Variants in MROH9 observed in about 807,000 individuals in gnomAD.
The protein encoded by MROH9 is maestro heat-like repeat-containing protein family member 9.
MROH9 carries 92 observed loss-of-function variants against 98.2 expected under a neutral mutation model. That is an observed-to-expected ratio of 0.94 (90% CI 0.79 to 1.11). The LOEUF (loss-of-function observed/expected upper bound fraction) is 1.11, where lower values mean the gene tolerates loss of function less well. Among genes scored for constraint, MROH9 ranks in the 50% most tolerant of loss-of-function variants. MROH9 has a pLI of 0.00. For synonymous variants in MROH9, 397 were observed against 368.9 expected, an observed-to-expected ratio of 1.08 and a Z score of -0.87; for missense variants, 1,057 against 1,014.8, an observed-to-expected ratio of 1.04 and a Z score of -0.57.
intron 8 of MROH9, among the ~76,000 whole-genome samples, chr1:170,978,464 G>A (rs886991936): frequency 1.3e-5 from 2 of 152,144 alleles, no homozygotes; most frequent in Non-Finnish European, 2.9e-5. Context: ...TTGTAAGCCA[G>A]GGGCCCTGGC....
chr1:170,955,105 C>CT (rs762400394), intron 3 of MROH9, among the ~76,000 whole-genome samples: 29 of 152,198 alleles, frequency 1.9e-4, no homozygotes, highest in Non-Finnish European at 3.5e-4. Context: ...GAATAGTAGT[C>CT]TCCAGTCTCA....
chr1:170,947,200 G>A (rs1292431782), intron 2 of MROH9, among the ~76,000 whole-genome samples: 4 of 151,840 alleles, frequency 2.6e-5, no homozygotes, highest in Admixed American at 6.6e-5. Flanking sequence ...AAAAATTATT[G>A]TGTAGAATTT....
intron 7 of MROH9, among the ~76,000 whole-genome samples, chr1:170,966,884 T>C (rs980124139): frequency 2.6e-5 from 4 of 152,128 alleles, no homozygotes; most frequent in African/African-American, 7.2e-5. Flanking sequence ...TCAAAACTGT[T>C]TTCTGCACAG....
chr1:170,959,428 C>T (rs778788038), intron 4 of MROH9, 34 bp from the exon 5 acceptor site: 4 of 1,542,768 alleles, frequency 2.6e-6, no homozygotes, highest in Non-Finnish European at 3.5e-6. Context: ...TATTTGTTTT[C>T]TCATCATTAA....
intron 20 of MROH9, among the ~76,000 whole-genome samples, chr1:171,039,126 T>C (rs1338442417): frequency 6.6e-6 from 1 of 152,188 alleles, no homozygotes; most frequent in Non-Finnish European, 1.5e-5. Context: ...GGCATTTTGG[T>C]TAATTTGACA....
intron 20 of MROH9, among the ~76,000 whole-genome samples, chr1:171,061,726 T>G (rs1033083336): frequency 6.6e-5 from 10 of 152,258 alleles, no homozygotes; most frequent in African/African-American, 2.4e-4. Context: ...GAACAAACTA[T>G]TGCTACATGA....
Position 170,965,229 on chromosome 1 carries a change from T to C in MROH9, c.454T>C (p.Phe152Leu), listed in dbSNP as rs771052320. ...IMVIINKVLR[F>L]TVTKVRKYIS... is the part of the protein sequence containing the mutation. ...GGTGATCATCAACAAGGTGTTAAGA[T>C]TTACAGTCACAAAAGTCAGAAAATA... Residue 152 changes from phenylalanine to leucine, a missense_variant, in exon 7 of 22, where the codon TTT becomes CTT. Physicochemically the swap from Phe to Leu is conservative, Grantham distance 22. Coordinates refer to ENST00000367759, the MANE Select transcript of MROH9 (RefSeq NM_001163629.2). 97 of 1,611,104 alleles carry C rather than the reference T, an allele frequency of 6.0e-5. No individual in the cohort carries two copies. Among genetic ancestry groups the C allele is most frequent in the Non-Finnish European group, 8.2e-5 (96 of 1,177,824 alleles).
intron 6 of MROH9, among the ~76,000 whole-genome samples, chr1:170,964,662 G>A (rs1037362119): frequency 6.6e-6 from 1 of 152,008 alleles, no homozygotes; most frequent in Non-Finnish European, 1.5e-5. Flanking sequence ...CCTGCCTCCG[G>A]TAATGTACTC....
chr1:171,038,103 A>G (rs188605361), intron 20 of MROH9, among the ~76,000 whole-genome samples: 27 of 152,232 alleles, frequency 1.8e-4, no homozygotes, highest in African/African-American at 6.5e-4. Context: ...CGGTATTGCA[A>G]AGCAAAACTA....
intron 20 of MROH9, among the ~76,000 whole-genome samples, chr1:171,049,878 T>C (rs1653609305): frequency 6.6e-6 from 1 of 152,056 alleles, no homozygotes; most frequent in Admixed American, 6.5e-5. Flanking sequence ...AATGTGGCTT[T>C]GCCATGTTGC....
At chr1:170,981,458 C>T (rs1213791956) in intron 8 of MROH9, among the ~76,000 whole-genome samples, 1 of 152,106 alleles carries the variant, frequency 6.6e-6, no homozygotes, top group Non-Finnish European at 1.5e-5. Context: ...ATGGCCTTTG[C>T]AGGGACATGG....
intron 2 of MROH9, among the ~76,000 whole-genome samples, chr1:170,945,945 T>G (rs1649315319): frequency 6.6e-6 from 1 of 152,058 alleles, no homozygotes; most frequent in Non-Finnish European, 1.5e-5. Flanking sequence ...TACAAAGTAT[T>G]GATAATACTA....
intron 15 of MROH9, among the ~76,000 whole-genome samples, chr1:171,008,372 A>T (rs1481445073): frequency 3.3e-5 from 5 of 152,294 alleles, no homozygotes. Context: ...AAGAATTTTT[A>T]TATCTTGTTC....
intron 20 of MROH9, among the ~76,000 whole-genome samples, chr1:171,030,426 G>A (rs147710660): frequency 0.02 from 3,116 of 152,046 alleles, 114 homozygotes; most frequent in African/African-American, 0.072. Flanking sequence ...TGGGCATTTA[G>A]TGCTATAAAT....
chr1:171,011,862 A>G (rs1372375373), intron 15 of MROH9, among the ~76,000 whole-genome samples: 1 of 151,932 alleles, frequency 6.6e-6, no homozygotes, highest in South Asian at 2.1e-4. Flanking sequence ...GCAAAAGGCA[A>G]TAGGCTTATT....
At chr1:170,974,304 A>T (rs1650598538) in intron 8 of MROH9, among the ~76,000 whole-genome samples, 1 of 152,158 alleles carries the variant, frequency 6.6e-6, no homozygotes, top group South Asian at 2.1e-4. Context: ...ATAAACTCAC[A>T]CACTGAAAAG....
chr1:170,998,464 C>T (rs1259588101), intron 15 of MROH9, 190 bp downstream of exon 15: 10 of 1,531,818 alleles, frequency 6.5e-6, no homozygotes, highest in African/African-American at 2.8e-5. Context: ...AGAGTTGTCC[C>T]TTCAGCTTTC....
At chr1:171,022,137 A>G (rs1332531757) in intron 17 of MROH9, among the ~76,000 whole-genome samples, 3 of 152,228 alleles carry the variant, frequency 2.0e-5, no homozygotes, top group Admixed American at 2.0e-4. Flanking sequence ...GAATGCTTTT[A>G]CACTGTTGGT....
At chr1:170,951,098 C>T (rs551777330) in intron 3 of MROH9, among the ~76,000 whole-genome samples, 2 of 151,926 alleles carry the variant, frequency 1.3e-5, no homozygotes, top group African/African-American at 2.4e-5. Context: ...TTAGAGATGA[C>T]CACACTAAAT....
Sources: gnomAD v4.1 joint callset for allele counts (sites outside exome capture counted in the v4.1 genomes callset) on GRCh38, gnomAD v4.1.1 for gene constraint, MANE v1.5 for transcripts, NCBI Gene and HGNC (gene_info 2026-07-23, HGNC 2026-07-21) for gene names.